TENM1: variants seen among roughly 807,000 people sequenced by gnomAD.
TENM1 encodes the protein teneurin-1.
A neutral mutation model predicts 174.8 loss-of-function variants in TENM1; 35 were observed. That is an observed-to-expected ratio of 0.20 (90% confidence interval 0.15 to 0.27). The LOEUF (loss-of-function observed/expected upper bound fraction) is 0.27. Among genes scored for constraint, TENM1 ranks in the 10% least tolerant of loss-of-function variants. The pLI, the probability that TENM1 is intolerant of heterozygous loss-of-function variation, is 1.00. For missense variants in TENM1, 1,633 were observed against 2,130.1 expected (o/e 0.77, Z 4.59); for synonymous variants, 781 against 798.7 (o/e 0.98, Z 0.37).
chrX:125,183,882 T>C, the TENM1 span, among the ~76,000 whole-genome samples: 1 of 112,135 alleles, frequency 8.9e-6, no homozygotes, highest in Admixed American at 9.5e-5. Context: ...CCGTATTGCA[T>C]ATCTGAGAAC....
chrX:125,181,791 C>T, the TENM1 span, among the ~76,000 whole-genome samples: 26 of 110,579 alleles, frequency 2.4e-4, no homozygotes, highest in Non-Finnish European at 4.4e-4. Context: ...CCTCACAAAT[C>T]GCTGTAGTTC....
At chrX:125,050,416 G>T in the TENM1 span, among the ~76,000 whole-genome samples, 1 of 109,758 alleles carries the variant, frequency 9.1e-6, no homozygotes, top group African/African-American at 3.3e-5. Context: ...GTGGTGTCTG[G>T]TTTTTTGTCC....
intron 25 of TENM1, among the ~76,000 whole-genome samples, chrX:124,408,804 T>A (rs12849536): frequency 2.8e-4 from 24 of 84,242 alleles, no homozygotes; most frequent in Non-Finnish European, 4.9e-4. Context: ...TATCTCCTAA[T>A]GCTATCCCTC....
chrX:125,114,856 T>C, the TENM1 span, among the ~76,000 whole-genome samples: 5 of 111,312 alleles, frequency 4.5e-5, no homozygotes, highest in Non-Finnish European at 9.4e-5. Context: ...CTCCAAACAA[T>C]AGAAAAACAG....
At chrX:124,453,041 G>A (rs1025527028) in intron 23 of TENM1, among the ~76,000 whole-genome samples, 2 of 111,286 alleles carry the variant, frequency 1.8e-5, no homozygotes, top group Admixed American at 9.5e-5. Context: ...TACTTATCTT[G>A]GAAATATTCA....
intron 1 of TENM1, among the ~76,000 whole-genome samples, chrX:124,899,555 G>T (rs1205812686): frequency 2.7e-5 from 3 of 111,283 alleles, no homozygotes; most frequent in African/African-American, 9.8e-5. Flanking sequence ...CCATGTCTTT[G>T]CTATTATGAA....
At chrX:124,534,468 G>T (rs1025337777) in intron 15 of TENM1, among the ~76,000 whole-genome samples, 1 of 111,791 alleles carries the variant, frequency 8.9e-6, no homozygotes, top group Non-Finnish European at 1.9e-5. Flanking sequence ...ACAATAGTTG[G>T]TTTGAAAAAC....
At chrX:124,474,929 C>T (rs2061371405) in intron 22 of TENM1, among the ~76,000 whole-genome samples, 1 of 112,009 alleles carries the variant, frequency 8.9e-6, no homozygotes, top group South Asian at 3.8e-4. Context: ...GAGGGATAAA[C>T]AACAAATATT....
intron 5 of TENM1, among the ~76,000 whole-genome samples, chrX:124,672,606 G>A (rs1241512551): frequency 1.8e-5 from 2 of 111,732 alleles, no homozygotes; most frequent in Non-Finnish European, 3.8e-5. Flanking sequence ...AATTAACTAT[G>A]AATGTTGCCA....
chrX:124,934,818 G>C (rs192043456), intron 1 of TENM1, among the ~76,000 whole-genome samples: 2 of 111,579 alleles, frequency 1.8e-5, no homozygotes, highest in African/African-American at 6.5e-5. Flanking sequence ...AATGGTTTAG[G>C]AATAAAGAGA....
At chrX:125,049,629 A>C in the TENM1 span, among the ~76,000 whole-genome samples, 2 of 111,694 alleles carry the variant, frequency 1.8e-5, no homozygotes, top group African/African-American at 3.2e-5. Flanking sequence ...TTCCACAGTG[A>C]CTACACTATT....
At chrX:125,185,561 T>A in the TENM1 span, among the ~76,000 whole-genome samples, 1 of 112,593 alleles carries the variant, frequency 8.9e-6, no homozygotes, top group Non-Finnish European at 1.9e-5. Flanking sequence ...ACTGACTATA[T>A]CACCAAAACA....
chrX:125,139,858 GGA>G, the TENM1 span, among the ~76,000 whole-genome samples: 275 of 89,816 alleles, frequency 3.1e-3, no homozygotes, highest in Middle Eastern at 0.024. Flanking sequence ...ACACACACAC[GGA>G]GAGAGAGAGA....
chrX:125,150,450 C>T, the TENM1 span, among the ~76,000 whole-genome samples: 840 of 111,703 alleles, frequency 7.5e-3, 4 homozygotes, highest in Non-Finnish European at 0.013. Flanking sequence ...AGACAGCTGG[C>T]CTGGGTTAGA....
At chrX:125,025,236 C>A in the TENM1 span, among the ~76,000 whole-genome samples, 1 of 110,526 alleles carries the variant, frequency 9.0e-6, no homozygotes, top group Non-Finnish European at 1.9e-5. Flanking sequence ...TTAATTGAGA[C>A]CATGTATGTA....
Position 124,571,071 on chromosome X carries a change from A to G in TENM1, c.2078-5511T>C, listed in dbSNP as rs144504353. Among the ~76,000 whole-genome samples, 1,000 of 112,018 alleles carry G rather than the reference A, an allele frequency of 8.9e-3. 9 individuals carry two copies. The highest frequency in any genetic ancestry group is 0.03 in the African/African-American group (935 of 30,920). ...CATGTTCTTTCCAAGCACACACAGA[A>G]TAACCCACAAAAACTGACAAAGATT... is the stretch of plus-strand genomic sequence containing the variant. On this transcript the variant is annotated intron_variant, in intron 11 of 31. Transcript: ENST00000422452.
At chrX:124,705,165 T>C in exon 5 of TENM1, 1 of 1,210,085 alleles carries the variant, frequency 8.3e-7, no homozygotes. Flanking sequence ...AGGGGGCGAG[T>C]ACACGGTATT....
chrX:125,028,949 G>A, the TENM1 span, among the ~76,000 whole-genome samples: 2 of 111,723 alleles, frequency 1.8e-5, no homozygotes, highest in African/African-American at 6.5e-5. Flanking sequence ...TGATAGGTAT[G>A]CGAGAATTTG....
intron 23 of TENM1, among the ~76,000 whole-genome samples, chrX:124,450,143 G>A (rs762842164): frequency 1.8e-5 from 2 of 110,393 alleles, no homozygotes; most frequent in African/African-American, 6.6e-5. Flanking sequence ...AGATCTGATG[G>A]TTTTAAAAAT....
Sources: gnomAD v4.1 joint callset for allele counts (sites outside exome capture counted in the v4.1 genomes callset) on GRCh38, gnomAD v4.1.1 for gene constraint, MANE v1.5 for transcripts, NCBI Gene and HGNC (gene_info 2026-07-23, HGNC 2026-07-21) for gene names.